COLEC12: variants seen among roughly 807,000 people sequenced by gnomAD.
The protein encoded by COLEC12 is collectin subfamily member 12.
In COLEC12, 33 loss-of-function variants were observed where a neutral mutation model predicts 71.1. The ratio of observed to expected loss-of-function variants is 0.46; its 90% CI spans 0.35 to 0.62. The LOEUF is 0.62. Ranked by LOEUF, COLEC12 falls within the 20% of genes least tolerant of loss-of-function variation. COLEC12 has a pLI of 0.00. For missense variants in COLEC12, 765 were observed against 916.1 expected (o/e 0.84, Z 2.13); for synonymous variants, 350 against 353.0 (o/e 0.99, Z 0.10).
intron 2 of COLEC12, among the ~76,000 whole-genome samples, chr18:456,612 TA>T (rs575147011): frequency 1.1e-4 from 17 of 152,356 alleles, no homozygotes; most frequent in African/African-American, 3.8e-4. Context: ...CCATTTGGGT[TA>T]AATGCTCTTG....
At chr18:486,269 T>C (rs1476295538) in intron 1 of COLEC12, among the ~76,000 whole-genome samples, 1 of 151,996 alleles carries the variant, frequency 6.6e-6, no homozygotes, top group Non-Finnish European at 1.5e-5. Context: ...CACTGCAACC[T>C]CTGCCTCCCA....
rs1555611774 is a variant in COLEC12 at position 319,341 on chromosome 18, A to AATATATATATATATATATATATAT, written c.*703_*704insATATATATATATATATATATATAT. 4 of 67,152 alleles carry AATATATATATATATATATATATAT rather than the reference A, an allele frequency of 6.0e-5. No individual in the cohort carries two copies. Among genetic ancestry groups the AATATATATATATATATATATATAT allele is most frequent in the Non-Finnish European group, 9.2e-5 (3 of 32,454 alleles). The allele number at this position is 67,152 out of a possible 1,614,324, so 4.2% of individuals were successfully genotyped here. ...AACATTAAAAAAAAAAAAAAAAAAA[A>AATATATATATATATATATATATAT]ATATATATATATATATATATATACA... is the stretch of plus-strand genomic sequence containing the variant. On this transcript the variant is annotated 3_prime_UTR_variant, in exon 10 of 10. Transcript: ENST00000400256.
rs760407917 is a variant in COLEC12 at position 325,627 on chromosome 18, C to CTTTTTTTTTTTTT, written c.2064-3833_2064-3821dup. Among the ~76,000 whole-genome samples the CTTTTTTTTTTTTT allele has an allele frequency of 8.1e-4, 42 of 51,840 alleles. 2 individuals are homozygous for CTTTTTTTTTTTTT. Among genetic ancestry groups the CTTTTTTTTTTTTT allele is most frequent in the African/African-American group, 1.5e-3 (18 of 11,700 alleles). The allele number at this position is 51,840 out of a possible 152,430, so 34.0% of individuals were successfully genotyped here. ...TTACACCAAGAGTAAAAGGATCAGC[C>CTTTTTTTTTTTTT]TTTTTTTTTTTTTTTTTTTTTTTTT... On this transcript the variant is annotated intron_variant, in intron 8 of 9. Coordinates refer to ENST00000400256, the MANE Select transcript of COLEC12 (RefSeq NM_130386.3).
At chr18:454,407 C>G (rs1210231385) in intron 2 of COLEC12, among the ~76,000 whole-genome samples, 1 of 152,206 alleles carries the variant, frequency 6.6e-6, no homozygotes, top group African/African-American at 2.4e-5. Context: ...ATCAGCCGGG[C>G]ATGGTGGCTC....
chr18:481,758 A>G (rs770330656), intron 1 of COLEC12, among the ~76,000 whole-genome samples: 1 of 152,094 alleles, frequency 6.6e-6, no homozygotes, highest in African/African-American at 2.4e-5. Flanking sequence ...CTACCAAAAG[A>G]CCTAAAATCT....
chr18:338,870 A>G (rs1451396842), intron 5 of COLEC12, among the ~76,000 whole-genome samples: 2 of 152,222 alleles, frequency 1.3e-5, no homozygotes, highest in African/African-American at 2.4e-5. Context: ...TTTTTTCTCA[A>G]CTATTTCTGT....
chr18:332,253 G>A (rs544325233), intron 7 of COLEC12, among the ~76,000 whole-genome samples: 1 of 152,318 alleles, frequency 6.6e-6, no homozygotes, highest in South Asian at 2.1e-4. Flanking sequence ...GTATTCTAAA[G>A]CCCAGGTGCT....
At chr18:341,406 C>T (rs575266108) in intron 5 of COLEC12, among the ~76,000 whole-genome samples, 23 of 152,290 alleles carry the variant, frequency 1.5e-4, no homozygotes, top group East Asian at 5.8e-4. Context: ...TGCTTAGCAG[C>T]GTGATTGGCA....
At position 338,515 on chromosome 18, in the gene COLEC12, C is replaced by T. The variant is rs114958665; in HGVS notation, c.1328-3285G>A. On this transcript the variant is annotated intron_variant, in intron 5 of 9. Coordinates refer to ENST00000400256, the MANE Select transcript of COLEC12 (RefSeq NM_130386.3). Reference sequence around the variant, plus strand: ...TCATAAGGAGATCCATCTTTCCTTGCTACTGACCCTCATGAATTAATCCAG... The same window carrying T: ...TCATAAGGAGATCCATCTTTCCTTGTTACTGACCCTCATGAATTAATCCAG... 4.7e-3 allele frequency among the ~76,000 whole-genome samples: 709 copies of T among 152,300 alleles called. 6 individuals carry two copies. The highest frequency in any genetic ancestry group is 0.016 in the African/African-American group (674 of 41,558).
At position 327,973 on chromosome 18, in the gene COLEC12, A is replaced by T. The variant is rs1399914306; in HGVS notation, c.2063+3695T>A. Among the ~76,000 whole-genome samples the T allele has an allele frequency of 6.6e-6, 1 of 151,854 alleles. No individual in the cohort carries two copies. Among genetic ancestry groups the T allele is most frequent in the East Asian group, 1.9e-4 (1 of 5,178 alleles). On this transcript the variant is annotated intron_variant, in intron 8 of 9. Coordinates refer to ENST00000400256, the MANE Select transcript of COLEC12 (RefSeq NM_130386.3). This position sits in a 1 kb window ranked among gnomAD's most constrained non-coding sequence, Gnocchi z 4.0. ...TGCTACTTCAATCTCCTTCTTTGTT[A>T]TTAGGCTGGCCAGGCTATTTCTTCC...
intron 2 of COLEC12, among the ~76,000 whole-genome samples, chr18:416,772 AAATAT>A (rs553177182): frequency 2.9e-3 from 438 of 151,646 alleles, no homozygotes; most frequent in Non-Finnish European, 4.9e-3. Flanking sequence ...TAAAGTTTTA[AAATAT>A]AATATAATAA....
At chr18:400,133 C>T (rs7230366) in intron 2 of COLEC12, among the ~76,000 whole-genome samples, 149,662 of 152,236 alleles carry the variant, frequency 0.98, 73,610 homozygotes, top group Middle Eastern at 1. Context: ...AAGAAGACAG[C>T]GGCCGGGGGG....
intron 2 of COLEC12, among the ~76,000 whole-genome samples, chr18:395,979 G>A (rs924996245): frequency 1.2e-4 from 18 of 152,180 alleles, no homozygotes; most frequent in Admixed American, 8.5e-4. Flanking sequence ...GGCCCTGTGC[G>A]ACCCAGAGCA....
chr18:412,855 C>T (rs11081092), intron 2 of COLEC12, among the ~76,000 whole-genome samples: 64,386 of 151,856 alleles, frequency 0.42, 14,121 homozygotes, highest in South Asian at 0.65. Flanking sequence ...AAAACAAAAT[C>T]CTAAAAATTG....
At chr18:381,292 A>C (rs987349232) in intron 2 of COLEC12, among the ~76,000 whole-genome samples, 1 of 152,196 alleles carries the variant, frequency 6.6e-6, no homozygotes, top group Admixed American at 6.5e-5. Context: ...AGGGATATTG[A>C]AATCTCAAGG....
At chr18:395,075 C>A (rs1196900892) in intron 2 of COLEC12, among the ~76,000 whole-genome samples, 3 of 152,220 alleles carry the variant, frequency 2.0e-5, no homozygotes, top group African/African-American at 7.2e-5. Context: ...ACTGGTTCTG[C>A]CAAACACTCT....
At chr18:322,992 A>G (rs1913748355) in intron 8 of COLEC12, among the ~76,000 whole-genome samples, 2 of 152,204 alleles carry the variant, frequency 1.3e-5, no homozygotes, top group South Asian at 4.1e-4. Flanking sequence ...TGGGGGGCTG[A>G]GGCAGATGGA....
At chr18:466,228 A>G (rs1316676478) in intron 2 of COLEC12, among the ~76,000 whole-genome samples, 1 of 152,224 alleles carries the variant, frequency 6.6e-6, no homozygotes, top group African/African-American at 2.4e-5. Context: ...CGACAGATTG[A>G]GACCTTGTCT....
At chr18:490,996 G>A (rs1917610365) in intron 1 of COLEC12, among the ~76,000 whole-genome samples, 1 of 152,198 alleles carries the variant, frequency 6.6e-6, no homozygotes, top group Non-Finnish European at 1.5e-5. Context: ...ATTACTCTTA[G>A]AACAAAATGG....
Sources: gnomAD v4.1 joint callset for allele counts (sites outside exome capture counted in the v4.1 genomes callset) on GRCh38, gnomAD v4.1.1 for gene constraint, Gnocchi (gnomAD v3.1) non-coding constraint, MANE v1.5 for transcripts, NCBI Gene and HGNC (gene_info 2026-07-23, HGNC 2026-07-21) for gene names.